LARP4B: variants seen among roughly 807,000 people sequenced by gnomAD.
LARP4B encodes the protein La ribonucleoprotein 4B, also known as la-related protein 4B.
Under a neutral mutation model 89.8 loss-of-function variants are expected in LARP4B, and 12 were observed. That is an observed-to-expected ratio of 0.13 (90% CI 0.09 to 0.22). LARP4B has a LOEUF of 0.22. LARP4B is among the 10% of genes least tolerant of loss of function. LARP4B has a pLI of 1.00. For missense variants in LARP4B, 757 were observed against 947.7 expected (o/e 0.80, Z 2.64); for synonymous variants, 367 against 363.3 (o/e 1.01, Z -0.12).
chr10:888,146 C>A (rs1835916727), intron 1 of LARP4B, among the ~76,000 whole-genome samples: 1 of 152,012 alleles, frequency 6.6e-6, no homozygotes, highest in South Asian at 2.1e-4. Flanking sequence ...ATGGCGAAAC[C>A]CCATCTCTAC....
chr10:823,199 C>A lies in LARP4B; in HGVS notation c.1484+1866G>T, dbSNP rs116149377. ...CCACTTCCTAAACCACTCCCTAAAC[C>A]ACTGGTGCGTGCTTCCTAAACCACT... is the stretch of plus-strand genomic sequence containing the variant. On this transcript the variant is annotated intron_variant, in intron 13 of 17. Coordinates refer to ENST00000316157, the MANE Select transcript of LARP4B (RefSeq NM_015155.3). 3.2e-3 allele frequency among the ~76,000 whole-genome samples: 489 copies of A among 152,252 alleles called. 2 individuals carry two copies. Among genetic ancestry groups the A allele is most frequent in the African/African-American group, 9.3e-3 (385 of 41,548 alleles).
chr10:953,758 G>T, the LARP4B span, among the ~76,000 whole-genome samples: 1 of 152,226 alleles, frequency 6.6e-6, no homozygotes, highest in South Asian at 2.1e-4. Flanking sequence ...CCTAGGATGC[G>T]CTAGAAGCAT....
chr10:910,019 G>GT (rs769774221), intron 1 of LARP4B, among the ~76,000 whole-genome samples: 16 of 152,150 alleles, frequency 1.1e-4, no homozygotes, highest in African/African-American at 3.9e-4. Context: ...CCAGAGAGCC[G>GT]TGAGTGTGGG....
In LARP4B at chr10:838,754, C is replaced by T. The variant is rs537087031; in HGVS notation, c.647-2248G>A. Among the ~76,000 whole-genome samples, 6 of 152,296 alleles carry T rather than the reference C, an allele frequency of 3.9e-5. No individual in the cohort carries two copies. In the South Asian group the frequency reaches 1.2e-3, roughly 32 times the overall value. On this transcript the variant is annotated intron_variant, in intron 7 of 17. Coordinates refer to ENST00000316157, the MANE Select transcript of LARP4B (RefSeq NM_015155.3). ...CTTAGCATATGATCTGGCAATTGTG[C>T]TCCTTGGTATTTATCCAAAGGAGCT...
At chr10:925,833 C>T (rs540679854) in intron 1 of LARP4B, among the ~76,000 whole-genome samples, 14 of 152,152 alleles carry the variant, frequency 9.2e-5, no homozygotes, top group African/African-American at 1.9e-4. Context: ...AGTGCCTGGC[C>T]GAAAGAGGGC....
chr10:908,958 G>C (rs1836577336), intron 1 of LARP4B, among the ~76,000 whole-genome samples: 1 of 152,096 alleles, frequency 6.6e-6, no homozygotes, highest in Non-Finnish European at 1.5e-5. Flanking sequence ...CACACAGCAT[G>C]TGTTACACAC....
At chr10:856,588 A>C (rs1834314095) in intron 5 of LARP4B, among the ~76,000 whole-genome samples, 1 of 152,188 alleles carries the variant, frequency 6.6e-6, no homozygotes, top group South Asian at 2.1e-4. Flanking sequence ...GAACTGATTA[A>C]CTGCTGGAGG....
chr10:969,943 A>G, the LARP4B span, among the ~76,000 whole-genome samples: 1 of 152,232 alleles, frequency 6.6e-6, no homozygotes, highest in South Asian at 2.1e-4. Flanking sequence ...CATGGAAGGC[A>G]AGGGACCGTA....
At chr10:963,890 A>G in the LARP4B span, among the ~76,000 whole-genome samples, 4 of 152,124 alleles carry the variant, frequency 2.6e-5, no homozygotes, top group Admixed American at 2.0e-4. Flanking sequence ...CAACCCCCAT[A>G]TGGCCCCACC....
At chr10:954,700 G>A in the LARP4B span, among the ~76,000 whole-genome samples, 2 of 152,094 alleles carry the variant, frequency 1.3e-5, no homozygotes, top group African/African-American at 4.8e-5. The surrounding 1 kb of genome is among the most constrained non-coding windows in gnomAD (Gnocchi z 5.0). Flanking sequence ...GGGCGCATTC[G>A]CTCACTGCTG....
intron 3 of LARP4B, among the ~76,000 whole-genome samples, chr10:882,349 A>T (rs2131921002): frequency 6.6e-6 from 1 of 151,958 alleles, no homozygotes; most frequent in East Asian, 1.9e-4. Flanking sequence ...CAATCATGTC[A>T]CTCATTATAA....
the LARP4B span, among the ~76,000 whole-genome samples, chr10:976,615 G>A: frequency 3.3e-5 from 5 of 150,354 alleles, no homozygotes; most frequent in Admixed American, 1.3e-4. Flanking sequence ...GCCCGGCTTA[G>A]TAGAATGTAG....
chr10:832,744 G>A (rs543112603), intron 8 of LARP4B, among the ~76,000 whole-genome samples: 2 of 152,208 alleles, frequency 1.3e-5, no homozygotes, highest in Admixed American at 1.3e-4. Context: ...AAATAAAGGT[G>A]AAATAAGATT....
chr10:888,542 C>T (rs943664853), intron 1 of LARP4B, among the ~76,000 whole-genome samples: 1 of 152,148 alleles, frequency 6.6e-6, no homozygotes, highest in African/African-American at 2.4e-5. Flanking sequence ...CAGGCACAAA[C>T]AAGTGTTAAG....
chr10:956,159 T>C, the LARP4B span, among the ~76,000 whole-genome samples: 1 of 152,114 alleles, frequency 6.6e-6, no homozygotes, highest in African/African-American at 2.4e-5. The surrounding 1 kb of genome is among the most constrained non-coding windows in gnomAD (Gnocchi z 4.3). Context: ...CCACGAACCC[T>C]GACAGATTCC....
chr10:874,613 C>T (rs1447932935), intron 3 of LARP4B, among the ~76,000 whole-genome samples: 1 of 152,102 alleles, frequency 6.6e-6, no homozygotes, highest in Non-Finnish European at 1.5e-5. Context: ...AATTCTTTTT[C>T]TTATTATGGT....
chr10:948,856 T>C, the LARP4B span, among the ~76,000 whole-genome samples: 1 of 152,244 alleles, frequency 6.6e-6, no homozygotes, highest in African/African-American at 2.4e-5. Context: ...CTGCAGAGTA[T>C]ACTCCATAGT....
chr10:902,442 G>A (rs1187809859), intron 1 of LARP4B, among the ~76,000 whole-genome samples: 2 of 152,076 alleles, frequency 1.3e-5, no homozygotes, highest in Non-Finnish European at 2.9e-5. Context: ...CTTTCACAAA[G>A]GGAAAAGCAA....
chr10:944,599 TGCCAGC>T, the LARP4B span, among the ~76,000 whole-genome samples: 38 of 152,370 alleles, frequency 2.5e-4, no homozygotes, highest in Admixed American at 2.2e-3. Flanking sequence ...ACTCCTTTCC[TGCCAGC>T]GCCAGTGCCA....
Sources: allele counts gnomAD v4.1 joint callset (sites outside exome capture counted in the v4.1 genomes callset), GRCh38; gene constraint gnomAD v4.1.1; non-coding constraint Gnocchi (gnomAD v3.1); transcripts MANE v1.5; gene names NCBI Gene and HGNC (gene_info 2026-07-23, HGNC 2026-07-21).